The following PTPRM variants were observed in gnomAD, a reference collection of about 807,000 sequenced individuals.
PTPRM encodes the protein protein tyrosine phosphatase receptor type M.
PTPRM carries 47 observed loss-of-function variants against 186.7 expected under a neutral mutation model. The ratio of observed to expected loss-of-function variants is 0.25; its 90% CI spans 0.20 to 0.32. The LOEUF (loss-of-function observed/expected upper bound fraction) is 0.32, where lower values mean the gene tolerates loss of function less well. Among genes scored for constraint, PTPRM ranks in the 10% least tolerant of loss-of-function variants. The pLI, the probability that PTPRM is intolerant of heterozygous loss-of-function variation, is 1.00. For missense variants in PTPRM, 1,494 were observed against 1,865.0 expected, an observed-to-expected ratio of 0.80 and a Z score of 3.66; for synonymous variants, 668 against 674.9, an observed-to-expected ratio of 0.99 and a Z score of 0.16.
In PTPRM at chr18:8,214,932, C is replaced by A. The variant is rs1021005543; in HGVS notation, c.2301-29126C>A. On this transcript the variant is annotated intron_variant, in intron 14 of 32. Coordinates refer to ENST00000580170, the MANE Select transcript of PTPRM (RefSeq NM_001105244.2). ...CCCCCTTGGCCTCCCAAATTACAGG[C>A]GTGAGCCACTGCGCCTGGCCATCCT... Among the ~76,000 whole-genome samples the A allele has an allele frequency of 6.6e-5, 10 of 152,176 alleles. 1 individual carries two copies. Among genetic ancestry groups the A allele is most frequent in the Admixed American group, 6.5e-4 (10 of 15,288 alleles).
At chr18:8,027,265 T>C (rs539447067) in intron 7 of PTPRM, among the ~76,000 whole-genome samples, 42 of 152,358 alleles carry the variant, frequency 2.8e-4, no homozygotes, top group African/African-American at 7.7e-4. Context: ...TAATTCAATC[T>C]TTTTATTATC....
At position 7,740,626 on chromosome 18, in the gene PTPRM, C is replaced by T. The variant is rs933959745; in HGVS notation, c.74-33523C>T. On this transcript the variant is annotated intron_variant, in intron 1 of 32. Coordinates refer to ENST00000580170, the MANE Select transcript of PTPRM (RefSeq NM_001105244.2). ...GTAGAGATAGAATCTTGCTATATTG[C>T]CCAGGCCAGTCTCAAACTCCTGGCC... Among the ~76,000 whole-genome samples the T allele has an allele frequency of 6.0e-4, 92 of 152,078 alleles. 1 individual carries two copies. Among genetic ancestry groups the T allele is most frequent in the Non-Finnish European group, 5.9e-5 (4 of 68,022 alleles).
At chr18:8,242,105 G>A (rs2094439129) in intron 14 of PTPRM, among the ~76,000 whole-genome samples, 1 of 151,998 alleles carries the variant, frequency 6.6e-6, no homozygotes, top group African/African-American at 2.4e-5. Flanking sequence ...CTAACCTTTA[G>A]GATTAGAGGA....
intron 7 of PTPRM, among the ~76,000 whole-genome samples, chr18:8,004,985 C>T (rs1377531500): frequency 6.6e-6 from 1 of 152,166 alleles, no homozygotes; most frequent in Non-Finnish European, 1.5e-5. Context: ...ACAAAATTTG[C>T]ATTTCTGTAG....
intron 3 of PTPRM, among the ~76,000 whole-genome samples, chr18:7,891,178 C>T (rs2049057295): frequency 6.6e-6 from 1 of 151,490 alleles, no homozygotes. Flanking sequence ...TGCAGCTACT[C>T]AGGAGGCTGA....
intron 2 of PTPRM, among the ~76,000 whole-genome samples, chr18:7,799,951 T>A (rs1329698524): frequency 6.6e-6 from 1 of 152,178 alleles, no homozygotes; most frequent in East Asian, 1.9e-4. Context: ...TGTCCTTACC[T>A]TTAACTGGGG....
intron 1 of PTPRM, among the ~76,000 whole-genome samples, chr18:7,587,417 A>G (rs980237091): frequency 4.6e-5 from 7 of 152,028 alleles, no homozygotes; most frequent in Non-Finnish European, 1.0e-4. Flanking sequence ...TCACATCATT[A>G]TCTAGTATCA....
At chr18:8,405,770 A>T (rs1249585672) in intron 32 of PTPRM, among the ~76,000 whole-genome samples, 1 of 152,160 alleles carries the variant, frequency 6.6e-6, no homozygotes, top group Non-Finnish European at 1.5e-5. Flanking sequence ...AGCACTCGTT[A>T]CTTTCTCTTC....
At chr18:7,811,565 T>C (rs1488165096) in intron 2 of PTPRM, among the ~76,000 whole-genome samples, 2 of 152,168 alleles carry the variant, frequency 1.3e-5, no homozygotes, top group African/African-American at 4.8e-5. Context: ...AAAGTCTTGC[T>C]ATGTTGCCTA....
At chr18:8,240,597 T>G (rs1601418735) in intron 14 of PTPRM, among the ~76,000 whole-genome samples, 3 of 88,858 alleles carry the variant, frequency 3.4e-5, no homozygotes, top group African/African-American at 9.2e-5. Context: ...GCAACCTGCA[T>G]GGAGAGAGAG....
chr18:7,837,478 A>T (rs1374797729), intron 2 of PTPRM, among the ~76,000 whole-genome samples: 1 of 151,476 alleles, frequency 6.6e-6, no homozygotes, highest in African/African-American at 2.4e-5. Context: ...TTTTTGAGTC[A>T]GAGTCTCACT....
At chr18:8,286,665 A>G (rs1379564550) in intron 19 of PTPRM, among the ~76,000 whole-genome samples, 4 of 152,244 alleles carry the variant, frequency 2.6e-5, no homozygotes, top group Non-Finnish European at 5.9e-5. Flanking sequence ...TTTGGGTTAT[A>G]AAGTTCCATA....
intron 18 of PTPRM, among the ~76,000 whole-genome samples, chr18:8,253,004 G>A (rs906506772): frequency 6.6e-6 from 1 of 152,146 alleles, no homozygotes; most frequent in Non-Finnish European, 1.5e-5. Flanking sequence ...GCAATATATC[G>A]TTTGGACTGC....
intron 11 of PTPRM, among the ~76,000 whole-genome samples, chr18:8,098,135 G>A (rs958598162): frequency 2.0e-5 from 3 of 152,084 alleles, no homozygotes; most frequent in African/African-American, 7.2e-5. Context: ...TTTTGTAAGT[G>A]CACCGTATGA....
intron 14 of PTPRM, among the ~76,000 whole-genome samples, chr18:8,178,531 C>A (rs2093521690): frequency 6.6e-6 from 1 of 152,204 alleles, no homozygotes; most frequent in Non-Finnish European, 1.5e-5. Flanking sequence ...TGCCTGTAGT[C>A]TCAGCACTTT....
intron 9 of PTPRM, among the ~76,000 whole-genome samples, chr18:8,080,474 G>A (rs2090067654): frequency 6.6e-6 from 1 of 152,144 alleles, no homozygotes; most frequent in Non-Finnish European, 1.5e-5. Flanking sequence ...TAGAAAGAAT[G>A]AAATGAGTTC....
intron 14 of PTPRM, among the ~76,000 whole-genome samples, chr18:8,144,768 G>A (rs969588952): frequency 3.3e-5 from 5 of 152,096 alleles, no homozygotes; most frequent in Non-Finnish European, 7.4e-5. Context: ...TAAAATCTTC[G>A]ATTTATGTAA....
intron 1 of PTPRM, among the ~76,000 whole-genome samples, chr18:7,682,183 C>A (rs577695380): frequency 1.3e-5 from 2 of 152,296 alleles, no homozygotes; most frequent in South Asian, 4.1e-4. Context: ...TCTTAACCTG[C>A]AGGCTAGATT....
chr18:8,014,226 G>A (rs1394167768), intron 7 of PTPRM, among the ~76,000 whole-genome samples: 1 of 151,988 alleles, frequency 6.6e-6, no homozygotes, highest in Non-Finnish European at 1.5e-5. Flanking sequence ...CAGGAATTTA[G>A]GCAATTAAAC....
Sources: allele counts gnomAD v4.1 joint callset (sites outside exome capture counted in the v4.1 genomes callset), GRCh38; gene constraint gnomAD v4.1.1; transcripts MANE v1.5; gene names NCBI Gene and HGNC (gene_info 2026-07-23, HGNC 2026-07-21).